Variants in USP10 observed in about 807,000 individuals in gnomAD.
USP10 encodes the protein ubiquitin specific peptidase 10, also known as ubiquitin carboxyl-terminal hydrolase 10.
In USP10, 22 loss-of-function variants were observed where a neutral mutation model predicts 84.5. The observed-to-expected ratio is 0.26, with a 90% CI of 0.19 to 0.37. The LOEUF (loss-of-function observed/expected upper bound fraction) is 0.37, where lower values mean the gene tolerates loss of function less well. USP10 is among the 10% of genes least tolerant of loss of function. The pLI is 1.00. For synonymous variants in USP10, 454 were observed against 387.6 expected, an observed-to-expected ratio of 1.17 and a Z score of -2.01; for missense variants, 1,019 against 998.9, an observed-to-expected ratio of 1.02 and a Z score of -0.27.
At chr16:84,723,661 T>C (rs965299377) in intron 1 of USP10, among the ~76,000 whole-genome samples, 1 of 152,274 alleles carries the variant, frequency 6.6e-6, no homozygotes, top group African/African-American at 2.4e-5. Flanking sequence ...CCAAGTCTAC[T>C]GCATTAACTT....
intron 1 of USP10, among the ~76,000 whole-genome samples, chr16:84,726,209 C>T (rs1318935587): frequency 2.6e-5 from 4 of 152,226 alleles, no homozygotes; most frequent in Admixed American, 6.5e-5. Flanking sequence ...TGTGCTGCAG[C>T]GCCCCCTAGT....
intron 13 of USP10, among the ~76,000 whole-genome samples, chr16:84,778,635 T>C (rs1915265182): frequency 1.3e-5 from 2 of 152,300 alleles, no homozygotes; most frequent in Non-Finnish European, 2.9e-5. Flanking sequence ...ATTTTAAATA[T>C]GTGGTTAATA....
intron 2 of USP10, among the ~76,000 whole-genome samples, chr16:84,739,335 G>A (rs1324856802): frequency 6.7e-6 from 1 of 149,440 alleles, no homozygotes; most frequent in Non-Finnish European, 1.5e-5. Context: ...GCAGTGGCGC[G>A]ATCTCGGCTC....
intron 3 of USP10, among the ~76,000 whole-genome samples, chr16:84,741,361 T>C (rs1336600264): frequency 6.6e-6 from 1 of 152,264 alleles, no homozygotes; most frequent in Non-Finnish European, 1.5e-5. Context: ...CTCAGCCTCC[T>C]GAGCCACCTT....
Position 84,745,476 on chromosome 16 carries a change from G to C in USP10, c.995G>C (p.Gly332Ala). The change falls in exon 4 of 14, where the codon GGC becomes GCC. Residue 332 changes from glycine (G) to alanine (A), a missense_variant. This residue lies in a region of USP10 where 787 missense variants were observed against 708.8 expected (regional missense o/e 1.11). Transcript: ENST00000219473. ...GCTGACGGCACGGGCTCTGCATCAG[G>C]CACCCTTCCTGTCAGCCAGCCCAAG... The part of the protein sequence containing the change: ...PPADGTGSAS[G>A]TLPVSQPKSW... 1 of 1,613,492 alleles carries C rather than the reference G, an allele frequency of 6.2e-7. No homozygotes were observed. Among genetic ancestry groups the C allele is most frequent in the Non-Finnish European group, 8.5e-7 (1 of 1,179,610 alleles).
intron 11 of USP10, among the ~76,000 whole-genome samples, chr16:84,771,826 C>T (rs910951919): frequency 1.3e-5 from 2 of 152,148 alleles, no homozygotes; most frequent in African/African-American, 2.4e-5. Context: ...GCAGATCGTA[C>T]CACTGTACTC....
intron 1 of USP10, among the ~76,000 whole-genome samples, chr16:84,702,387 A>T (rs1905000035): frequency 6.6e-6 from 1 of 152,122 alleles, no homozygotes; most frequent in African/African-American, 2.4e-5. Context: ...ATTTTAAAAG[A>T]ATAGTAATGC....
At chr16:84,764,601 C>T (rs1387719152) in intron 10 of USP10, among the ~76,000 whole-genome samples, 3 of 152,106 alleles carry the variant, frequency 2.0e-5, no homozygotes, top group Admixed American at 6.5e-5. Flanking sequence ...GAGGCCAAGG[C>T]GGGTGGATCA....
chr16:84,707,038 A>G (rs1342236145), intron 1 of USP10, among the ~76,000 whole-genome samples: 5 of 152,214 alleles, frequency 3.3e-5, no homozygotes, highest in Non-Finnish European at 7.3e-5. Context: ...GTCCTGTATT[A>G]TTATAACCAT....
intron 10 of USP10, among the ~76,000 whole-genome samples, 200 bp from the exon 11 acceptor site, chr16:84,767,993 C>T (rs1051782859): frequency 6.6e-6 from 1 of 151,914 alleles, no homozygotes; most frequent in African/African-American, 2.4e-5. Flanking sequence ...AACGAGCATG[C>T]TGCCTTCAAG....
At chr16:84,731,142 G>A (rs1015737638) in intron 1 of USP10, among the ~76,000 whole-genome samples, 1 of 151,960 alleles carries the variant, frequency 6.6e-6, no homozygotes, top group South Asian at 2.1e-4. Context: ...ACCATGCCCG[G>A]CTAATTTTTT....
intron 4 of USP10, among the ~76,000 whole-genome samples, chr16:84,755,377 C>G (rs1417013228): frequency 1.3e-5 from 2 of 151,838 alleles, no homozygotes; most frequent in Non-Finnish European, 2.9e-5. Context: ...TCCTTGCACC[C>G]ATGATCCTGT....
intron 4 of USP10, among the ~76,000 whole-genome samples, chr16:84,757,225 A>G (rs144553467): frequency 6.4e-4 from 98 of 152,300 alleles, no homozygotes; most frequent in African/African-American, 2.2e-3. Context: ...CCAGTTCGGT[A>G]TTCCATATTA....
chr16:84,766,852 T>A (rs1324516992), intron 10 of USP10, among the ~76,000 whole-genome samples: 2 of 152,222 alleles, frequency 1.3e-5, no homozygotes, highest in African/African-American at 2.4e-5. Flanking sequence ...TCAGCCATTG[T>A]TAAGCATGAT....
intron 4 of USP10, among the ~76,000 whole-genome samples, chr16:84,757,357 G>A (rs1426870319): frequency 6.6e-6 from 1 of 150,576 alleles, no homozygotes; most frequent in Non-Finnish European, 1.5e-5. Flanking sequence ...CAGTTAGAAG[G>A]AAGAGGACAT....
At chr16:84,706,544 A>G (rs540505377) in intron 1 of USP10, among the ~76,000 whole-genome samples, 4 of 147,618 alleles carry the variant, frequency 2.7e-5, no homozygotes, top group Non-Finnish European at 6.0e-5. Flanking sequence ...ATATTTTTAT[A>G]TATATATATT....
intron 8 of USP10, among the ~76,000 whole-genome samples, chr16:84,762,106 A>C (rs780107451): frequency 4.6e-5 from 7 of 152,256 alleles, no homozygotes; most frequent in Non-Finnish European, 8.8e-5. Flanking sequence ...AACACTCGTG[A>C]TGTGGGATTA....
Position 84,745,647 on chromosome 16 carries a change from A to G in USP10, c.1166A>G (p.Glu389Gly), listed in dbSNP as rs759933604. The change falls in exon 4 of 14, where the codon GAG (glutamate) becomes GGG (glycine). Residue 389 changes from glutamate (E) to glycine (G), a missense_variant. Coordinates refer to ENST00000219473, the MANE Select transcript of USP10 (RefSeq NM_005153.3). Reference protein sequence around the residue: ...EVKEGLVPVSEDPVAIKIAEL... With the variant: ...EVKEGLVPVSGDPVAIKIAEL... The stretch of plus-strand genomic sequence containing the variant: ...AAAGAAGGGCTTGTTCCGGTTTCAG[A>G]GGATCCTGTAGCCATAAAGATTGCA... 8.7e-6 allele frequency: 14 copies of G among 1,611,476 alleles called. No homozygotes were observed. The Admixed American group carries it at 1.8e-4, about 21-fold the overall frequency.
Position 84,745,290 on chromosome 16 carries a change from C to G in USP10, c.809C>G (p.Ala270Gly). Residue 270 changes from alanine to glycine, a missense_variant, in exon 4 of 14, where the codon GCT becomes GGT. Transcript: ENST00000219473. ...GACACCCTGTCAAGGACAGCTGGGGCTCAGCCCTGCGTTGGTACCGATACT... is the reference window on the plus strand; with the variant it reads ...GACACCCTGTCAAGGACAGCTGGGGGTCAGCCCTGCGTTGGTACCGATACT... ...GRDTLSRTAG[A>G]QPCVGTDTTE... 2 of 1,613,268 alleles carry G rather than the reference C, an allele frequency of 1.2e-6. No homozygotes were observed. The highest frequency in any genetic ancestry group is 1.7e-6 in the Non-Finnish European group (2 of 1,179,714).
Sources: gnomAD v4.1 joint callset for allele counts (sites outside exome capture counted in the v4.1 genomes callset) on GRCh38, gnomAD v4.1.1 for gene constraint, gnomAD v4.1.1 regional missense constraint, MANE v1.5 for transcripts, NCBI Gene and HGNC (gene_info 2026-07-23, HGNC 2026-07-21) for gene names.